DTNA: variants seen among roughly 807,000 people sequenced by gnomAD.
The protein encoded by DTNA is dystrobrevin alpha.
Under a neutral mutation model 100.7 loss-of-function variants are expected in DTNA, and 43 were observed. That is an observed-to-expected ratio of 0.43 (90% confidence interval 0.33 to 0.55). DTNA has a LOEUF of 0.55. Among genes scored for constraint, DTNA ranks in the 20% least tolerant of loss-of-function variants. The pLI, the probability that DTNA is intolerant of heterozygous loss-of-function variation, is 0.04. For synonymous variants in DTNA, 349 were observed against 347.9 expected (o/e 1.00, Z -0.04); for missense variants, 798 against 953.9 (o/e 0.84, Z 2.15).
At chr18:34,634,059 T>C (rs10502627) in intron 1 of DTNA, among the ~76,000 whole-genome samples, 1 of 152,146 alleles carries the variant, frequency 6.6e-6, no homozygotes, top group African/African-American at 2.4e-5. Context: ...GAAAACATAG[T>C]GCATATCTAT....
chr18:34,498,071 A>T (rs1012250147), intron 1 of DTNA, among the ~76,000 whole-genome samples: 1 of 152,044 alleles, frequency 6.6e-6, no homozygotes, highest in African/African-American at 2.4e-5. Context: ...ACCTGAGGTC[A>T]GGAGTTCGAG....
intron 1 of DTNA, among the ~76,000 whole-genome samples, chr18:34,555,807 A>G (rs1300088136): frequency 6.6e-6 from 1 of 152,218 alleles, no homozygotes; most frequent in African/African-American, 2.4e-5. Flanking sequence ...TATGTGGTCA[A>G]TTTTGGAATA....
At chr18:34,594,546 T>A (rs1214029799) in intron 1 of DTNA, among the ~76,000 whole-genome samples, 3 of 152,234 alleles carry the variant, frequency 2.0e-5, no homozygotes, top group Non-Finnish European at 4.4e-5. Context: ...GGCCAGTTTT[T>A]TGTCTTGTCA....
At chr18:34,772,363 T>C (rs1004886832) in intron 3 of DTNA, among the ~76,000 whole-genome samples, 7 of 152,242 alleles carry the variant, frequency 4.6e-5, no homozygotes, top group Non-Finnish European at 1.0e-4. Flanking sequence ...TTACTGTCTC[T>C]AAATTTCTTT....
chr18:34,806,319 CT>C lies in DTNA; in HGVS notation c.448+17del, dbSNP rs754687179. ...CAAATTAAGATGTAAGTTATTATTC[CT>C]TGTGTGTCTGTTTGCTTTTCCTTGC... On this transcript the variant is annotated intron_variant, in intron 5 of 22. Coordinates refer to ENST00000444659, the MANE Select transcript of DTNA (RefSeq NM_001386795.1). The C allele has an allele frequency of 2.8e-4, 446 of 1,610,916 alleles. No individual in the cohort carries two copies. The highest frequency in any genetic ancestry group is 3.4e-4 in the Non-Finnish European group (404 of 1,177,604).
intron 1 of DTNA, among the ~76,000 whole-genome samples, chr18:34,507,327 C>T (rs1236285327): frequency 2.0e-5 from 3 of 152,122 alleles, no homozygotes; most frequent in South Asian, 2.1e-4. Flanking sequence ...TGGACCAGTA[C>T]GTGCATGGGA....
intron 2 of DTNA, among the ~76,000 whole-genome samples, chr18:34,762,438 A>G (rs1200572315): frequency 2.0e-5 from 3 of 152,158 alleles, no homozygotes; most frequent in African/African-American, 7.2e-5. Context: ...CTGTTTGTGG[A>G]CCTGTTCTGG....
upstream of DTNA, among the ~76,000 whole-genome samples, chr18:34,710,062 T>C (rs1478621791): frequency 6.6e-6 from 1 of 152,170 alleles, no homozygotes; most frequent in East Asian, 1.9e-4. Flanking sequence ...TGGGAAACCT[T>C]TTATTCTTAT....
intron 1 of DTNA, among the ~76,000 whole-genome samples, chr18:34,701,465 G>A (rs925183976): frequency 2.6e-5 from 4 of 151,928 alleles, no homozygotes; most frequent in East Asian, 3.9e-4. Flanking sequence ...CCTGAGCTGG[G>A]GCAGCATCCT....
chr18:34,569,251 G>C (rs17555288), intron 1 of DTNA, among the ~76,000 whole-genome samples: 7,288 of 152,260 alleles, frequency 0.048, 251 homozygotes, highest in Non-Finnish European at 0.071. Context: ...GAAAGGAGGA[G>C]AGGTTGCAGA....
chr18:34,601,643 A>G (rs1206194502), intron 1 of DTNA, among the ~76,000 whole-genome samples: 1 of 152,216 alleles, frequency 6.6e-6, no homozygotes, highest in African/African-American at 2.4e-5. Context: ...CATACTTGGT[A>G]AATGTACGCC....
At chr18:34,782,060 A>C (rs886450862) in intron 3 of DTNA, among the ~76,000 whole-genome samples, 4 of 152,248 alleles carry the variant, frequency 2.6e-5, no homozygotes, top group African/African-American at 9.6e-5. Context: ...ACTATGCCCA[A>C]TAAAGCCTTG....
At chr18:34,860,241 T>G (rs1167058848) in intron 16 of DTNA, among the ~76,000 whole-genome samples, 27 of 140,266 alleles carry the variant, frequency 1.9e-4, no homozygotes, top group South Asian at 4.7e-4. Context: ...TTTTTTTTTT[T>G]TTTTTTTTGG....
rs138956525 is a variant in DTNA at position 34,615,474 on chromosome 18, C to T, written c.-2+121960C>T. Reference sequence around the variant, plus strand: ...ATTACCCTGATCAGTCAGCAGATATCAGCAACAAGGCAAGACTCTCCATGG... The same window carrying T: ...ATTACCCTGATCAGTCAGCAGATATTAGCAACAAGGCAAGACTCTCCATGG... On this transcript the variant is annotated intron_variant, in intron 1 of 19. Coordinates refer to the DTNA transcript ENST00000283365. Among the ~76,000 whole-genome samples the T allele has an allele frequency of 5.5e-4, 84 of 152,274 alleles. 1 individual carries two copies. In the East Asian group the frequency reaches 0.011, roughly 20 times the overall value.
intron 15 of DTNA, among the ~76,000 whole-genome samples, chr18:34,852,136 G>A (rs1826467364): frequency 6.6e-6 from 1 of 152,174 alleles, no homozygotes; most frequent in South Asian, 2.1e-4. Context: ...GTGCATGTAT[G>A]TGTATAGTTC....
chr18:34,651,519 TTC>T (rs2060441029), intron 1 of DTNA, among the ~76,000 whole-genome samples: 1 of 152,334 alleles, frequency 6.6e-6, no homozygotes, highest in South Asian at 2.1e-4. Context: ...TAAGACTCAT[TTC>T]TGATCTTGTT....
At chr18:34,522,114 G>A (rs963783876) in intron 1 of DTNA, among the ~76,000 whole-genome samples, 1 of 152,142 alleles carries the variant, frequency 6.6e-6, no homozygotes, top group African/African-American at 2.4e-5. Context: ...GACATGTCTT[G>A]ATCTCTGTCA....
intron 3 of DTNA, among the ~76,000 whole-genome samples, chr18:34,790,346 G>GAA (rs1555797391): frequency 2.5e-5 from 3 of 118,412 alleles, no homozygotes; most frequent in Admixed American, 7.7e-5. Context: ...CATGCAAGGG[G>GAA]TATAAAACCC....
chr18:34,686,437 A>G (rs2078911151), intron 1 of DTNA, among the ~76,000 whole-genome samples: 1 of 152,166 alleles, frequency 6.6e-6, no homozygotes, highest in African/African-American at 2.4e-5. Flanking sequence ...GTGATGGACT[A>G]CGTTTATTGA....
Sources: gnomAD v4.1 joint callset for allele counts (sites outside exome capture counted in the v4.1 genomes callset) on GRCh38, gnomAD v4.1.1 for gene constraint, MANE v1.5 for transcripts, NCBI Gene and HGNC (gene_info 2026-07-23, HGNC 2026-07-21) for gene names.